KCNN2: variants seen among roughly 807,000 people sequenced by gnomAD.
The protein encoded by KCNN2 is potassium calcium-activated channel subfamily N member 2.
KCNN2 carries 24 observed loss-of-function variants against 55.5 expected under a neutral mutation model. The ratio of observed to expected loss-of-function variants is 0.43; its 90% CI spans 0.31 to 0.61. The LOEUF is 0.61. Among genes scored for constraint, KCNN2 ranks in the 20% least tolerant of loss-of-function variants. KCNN2 has a pLI of 0.08. For synonymous variants in KCNN2, 431 were observed against 336.1 expected (o/e 1.28, Z -3.09); for missense variants, 754 against 853.6 (o/e 0.88, Z 1.45).
At chr5:114,230,216 T>C (rs1754328885) in intron 2 of KCNN2, among the ~76,000 whole-genome samples, 1 of 152,100 alleles carries the variant, frequency 6.6e-6, no homozygotes, top group Admixed American at 6.6e-5. Flanking sequence ...ATAAGCAGGA[T>C]TCTTCATTTC....
intron 2 of KCNN2, among the ~76,000 whole-genome samples, chr5:114,375,059 T>C (rs186763129): frequency 2.4e-4 from 36 of 152,284 alleles, no homozygotes; most frequent in African/African-American, 8.2e-4. Context: ...CATAAAATAC[T>C]ATAGTATGCT....
At chr5:114,450,070 C>T (rs1406023812) in intron 3 of KCNN2, among the ~76,000 whole-genome samples, 4 of 152,206 alleles carry the variant, frequency 2.6e-5, no homozygotes, top group Non-Finnish European at 5.9e-5. Flanking sequence ...TGGTGTGGCA[C>T]TGCCACCTAG....
At chr5:114,367,440 G>A (rs575601807) in intron 2 of KCNN2, among the ~76,000 whole-genome samples, 2 of 152,034 alleles carry the variant, frequency 1.3e-5, no homozygotes, top group South Asian at 2.1e-4. Context: ...TATTGAACTT[G>A]TTTTCTATAT....
At position 114,272,461 on chromosome 5, in the gene KCNN2, TATC is replaced by T. The variant is rs1240284407; in HGVS notation, c.-185+50899_-185+50901del. Reference sequence around the variant, plus strand: ...TCATATACACACATATGTATGTACATATCATACACACATATGTATGTACATATC... The same window carrying T: ...TCATATACACACATATGTATGTACATATACACACATATGTATGTACATATC... On this transcript the variant is annotated intron_variant, in intron 2 of 10. Transcript: ENST00000512097. Among the ~76,000 whole-genome samples, 7 of 7,916 alleles carry T rather than the reference TATC, an allele frequency of 8.8e-4. 1 individual carries two copies. The highest frequency in any genetic ancestry group is 1.1e-3 in the African/African-American group (7 of 6,180). 5.2% of individuals were successfully genotyped at this position (7,916 alleles called of 152,430 possible). A position where few individuals can be genotyped will look rare whatever the true frequency, so the allele number is the denominator to read the frequency against.
At chr5:114,258,483 T>A (rs144971864) in intron 2 of KCNN2, among the ~76,000 whole-genome samples, 1 of 152,152 alleles carries the variant, frequency 6.6e-6, no homozygotes, top group Non-Finnish European at 1.5e-5. Context: ...GCTTTTTTTT[T>A]CTTGGGAGAT....
intron 2 of KCNN2, among the ~76,000 whole-genome samples, chr5:114,239,712 T>C (rs1754580141): frequency 6.6e-6 from 1 of 152,234 alleles, no homozygotes; most frequent in Non-Finnish European, 1.5e-5. Context: ...TGTGAGCTAA[T>C]GAAGTAACTC....
intron 3 of KCNN2, among the ~76,000 whole-genome samples, chr5:114,420,497 A>G (rs1759441165): frequency 6.6e-6 from 1 of 152,228 alleles, no homozygotes; most frequent in Non-Finnish European, 1.5e-5. Flanking sequence ...GAAATTGACC[A>G]GCAAAAGATT....
chr5:114,167,746 T>C (rs1244073809), intron 1 of KCNN2, among the ~76,000 whole-genome samples: 1 of 152,174 alleles, frequency 6.6e-6, no homozygotes, highest in African/African-American at 2.4e-5. Context: ...TTTTGACTTA[T>C]GCATTCACCT....
chr5:114,321,704 C>T (rs1756617336), intron 2 of KCNN2, among the ~76,000 whole-genome samples: 1 of 150,654 alleles, frequency 6.6e-6, no homozygotes, highest in African/African-American at 2.5e-5. Flanking sequence ...GGTCTTTGTT[C>T]TGTCCCCCAG....
chr5:114,313,062 T>G (rs1756436927), intron 2 of KCNN2, among the ~76,000 whole-genome samples: 1 of 152,160 alleles, frequency 6.6e-6, no homozygotes, highest in African/African-American at 2.4e-5. Flanking sequence ...GTCTCTGTTA[T>G]GTTTTCCCTT....
At chr5:114,326,532 C>T (rs1007671500) in intron 2 of KCNN2, among the ~76,000 whole-genome samples, 2 of 152,114 alleles carry the variant, frequency 1.3e-5, no homozygotes, top group African/African-American at 2.4e-5. Context: ...GGTCCATGTT[C>T]AAAGGTGAGT....
chr5:114,331,385 G>A (rs997250444), intron 2 of KCNN2, among the ~76,000 whole-genome samples: 8 of 152,234 alleles, frequency 5.3e-5, no homozygotes, highest in African/African-American at 1.9e-4. Context: ...TGTGGCTTGG[G>A]GTAAGCTTCA....
At chr5:114,201,610 G>A (rs189508493) in intron 1 of KCNN2, among the ~76,000 whole-genome samples, 48 of 152,236 alleles carry the variant, frequency 3.2e-4, no homozygotes, top group Admixed American at 2.0e-3. Flanking sequence ...CAATGGCTGT[G>A]GCCATGTCAA....
Position 114,076,098 on chromosome 5 carries a change from C to T in KCNN2, c.-271+19598C>T, listed in dbSNP as rs116382056. Among the ~76,000 whole-genome samples the T allele has an allele frequency of 2.1e-3, 327 of 152,326 alleles. 1 individual carries two copies. Among genetic ancestry groups the T allele is most frequent in the South Asian group, 5.8e-3 (28 of 4,828 alleles). On this transcript the variant is annotated intron_variant, in intron 1 of 10. Coordinates refer to the KCNN2 transcript ENST00000512097. The stretch of plus-strand genomic sequence containing the variant: ...CCCTGATACTGCTGTGCAGGAATTC[C>T]GCTCTTCTTTAAATTCCTCCTCAAT...
At chr5:114,243,099 T>G (rs1465694803) in intron 2 of KCNN2, among the ~76,000 whole-genome samples, 1 of 152,170 alleles carries the variant, frequency 6.6e-6, no homozygotes, top group African/African-American at 2.4e-5. Flanking sequence ...TCATACAAAA[T>G]TATTGTTACA....
intron 2 of KCNN2, among the ~76,000 whole-genome samples, chr5:114,392,915 G>A (rs752563877): frequency 3.9e-4 from 54 of 137,890 alleles, no homozygotes; most frequent in Non-Finnish European, 6.3e-4. Flanking sequence ...GTGCATTTTT[G>A]TTTGGGGCCA....
chr5:114,247,966 G>A (rs1302283347), intron 2 of KCNN2, among the ~76,000 whole-genome samples: 1 of 151,960 alleles, frequency 6.6e-6, no homozygotes, highest in African/African-American at 2.4e-5. Context: ...TTCCACCTGA[G>A]ACTTTGGACT....
chr5:114,366,014 A>G (rs372170538), intron 2 of KCNN2, among the ~76,000 whole-genome samples: 93 of 152,338 alleles, frequency 6.1e-4, no homozygotes, highest in African/African-American at 2.2e-3. Context: ...TTTTGAAGTA[A>G]TTCATAGGAG....
At chr5:114,085,192 G>C (rs1395790439) in intron 1 of KCNN2, among the ~76,000 whole-genome samples, 3 of 151,788 alleles carry the variant, frequency 2.0e-5, no homozygotes, top group Non-Finnish European at 4.4e-5. Flanking sequence ...TATTGTGCTA[G>C]CTTTTCTGGG....
Sources: allele counts gnomAD v4.1 joint callset (sites outside exome capture counted in the v4.1 genomes callset), GRCh38; gene constraint gnomAD v4.1.1; transcripts MANE v1.5; gene names NCBI Gene and HGNC (gene_info 2026-07-23, HGNC 2026-07-21).